The following NCEH1 variants were observed in gnomAD, a reference collection of about 807,000 sequenced individuals.
NCEH1 encodes 2-acetyl MAGE hydrolase.
Under a neutral mutation model 25.4 loss-of-function variants are expected in NCEH1, and 9 were observed. The ratio of observed to expected loss-of-function variants is 0.35; its 90% CI spans 0.21 to 0.62. NCEH1 has a LOEUF of 0.62. Ranked by LOEUF, NCEH1 falls within the 20% of genes least tolerant of loss-of-function variation. NCEH1 has a pLI of 0.72. For synonymous variants in NCEH1, 200 were observed against 199.8 expected (o/e 1.00, Z -0.01); for missense variants, 412 against 501.1 (o/e 0.82, Z 1.70).
At chr3:172,703,896 C>T (rs1451247018) in intron 1 of NCEH1, among the ~76,000 whole-genome samples, 1 of 152,198 alleles carries the variant, frequency 6.6e-6, no homozygotes, top group Non-Finnish European at 1.5e-5. Flanking sequence ...ATGCCCCTGA[C>T]ACTATTCTTA....
intron 3 of NCEH1, among the ~76,000 whole-genome samples, chr3:172,644,434 T>C (rs376553736): frequency 6.6e-6 from 1 of 152,176 alleles, no homozygotes; most frequent in Non-Finnish European, 1.5e-5. Flanking sequence ...GAGAACTGAA[T>C]GAGCCTGGGG....
At chr3:172,709,007 A>AT (rs1011843337) in intron 1 of NCEH1, among the ~76,000 whole-genome samples, 2 of 152,148 alleles carry the variant, frequency 1.3e-5, no homozygotes, top group Non-Finnish European at 2.9e-5. Flanking sequence ...GATAAGAGCC[A>AT]TTTTTCTGCA....
intron 1 of NCEH1, among the ~76,000 whole-genome samples, chr3:172,654,051 G>C (rs9822942): frequency 2.0e-5 from 3 of 151,934 alleles, no homozygotes; most frequent in Non-Finnish European, 4.4e-5. Context: ...CACCGTGCCC[G>C]GCCTGGAAAG....
At chr3:172,654,057 G>A (rs1223466322) in intron 1 of NCEH1, among the ~76,000 whole-genome samples, 1 of 152,094 alleles carries the variant, frequency 6.6e-6, no homozygotes, top group Non-Finnish European at 1.5e-5. Context: ...GCCCGGCCTG[G>A]AAAGTGTTTT....
intron 1 of NCEH1, among the ~76,000 whole-genome samples, chr3:172,696,659 G>A (rs1713395734): frequency 6.6e-6 from 1 of 152,148 alleles, no homozygotes; most frequent in Non-Finnish European, 1.5e-5. Flanking sequence ...TTGAACACAA[G>A]TCTCCTCGAT....
In NCEH1 at chr3:172,633,761, T is replaced by C. The variant is rs748791112; in HGVS notation, c.941A>G (p.Gln314Arg). ...VQTTGNARIV[Q>R]ELPQLLDARS... Reference sequence around the variant, plus strand: ...GGCATCCAGCAACTGAGGAAGCTCCTGGACAATCCTGGCATTGCCTGTGGT... The same window carrying C: ...GGCATCCAGCAACTGAGGAAGCTCCCGGACAATCCTGGCATTGCCTGTGGT... Residue 314 changes from glutamine to arginine, a missense_variant, in exon 5 of 5, where the codon CAG (glutamine) becomes CGG (arginine). By Grantham distance (43) the Gln-to-Arg change is conservative. This residue lies in a region of NCEH1 where 210 missense variants were observed against 258.2 expected (regional missense o/e 0.81). Transcript: ENST00000475381. 6.8e-6 allele frequency: 11 copies of C among 1,614,240 alleles called. No homozygotes were observed. In the East Asian group the frequency reaches 2.5e-4, roughly 36 times the overall value.
intron 3 of NCEH1, among the ~76,000 whole-genome samples, chr3:172,638,605 T>C (rs542083634): frequency 6.6e-6 from 1 of 152,206 alleles, no homozygotes; most frequent in South Asian, 2.1e-4. Flanking sequence ...TTAATTTTAA[T>C]AAAAACAAAT....
intron 1 of NCEH1, among the ~76,000 whole-genome samples, chr3:172,650,009 T>C (rs1442340633): frequency 6.6e-6 from 1 of 152,254 alleles, no homozygotes; most frequent in South Asian, 2.1e-4. Context: ...GTACATTTTA[T>C]AAGAGAGCCC....
At chr3:172,689,493 C>A (rs1712902413) in intron 1 of NCEH1, among the ~76,000 whole-genome samples, 1 of 151,328 alleles carries the variant, frequency 6.6e-6, no homozygotes, top group Admixed American at 6.6e-5. Context: ...GTGATCTACC[C>A]GACTCGGCCT....
intron 1 of NCEH1, among the ~76,000 whole-genome samples, chr3:172,652,769 C>G (rs1277409288): frequency 6.6e-6 from 1 of 152,144 alleles, no homozygotes; most frequent in East Asian, 1.9e-4. Flanking sequence ...GATCTTGGCT[C>G]ACTACAACCT....
intron 1 of NCEH1, among the ~76,000 whole-genome samples, chr3:172,658,960 G>A (rs908307084): frequency 2.7e-5 from 4 of 150,160 alleles, no homozygotes; most frequent in Non-Finnish European, 5.9e-5. Context: ...TATGTCAAGG[G>A]CAGTAGCTCA....
chr3:172,656,923 A>G (rs890313754), intron 1 of NCEH1, among the ~76,000 whole-genome samples: 18 of 152,140 alleles, frequency 1.2e-4, no homozygotes, highest in African/African-American at 4.1e-4. Flanking sequence ...ACTTGGCCTC[A>G]CTGCAGACAT....
rs754404792 is a variant in NCEH1, at chr3:172,709,935, C to CAG, written c.138+910_138+911dup. On this transcript the variant is annotated intron_variant, in intron 1 of 4. Transcript: ENST00000475381. ...AGGCTGCTCAGAAATACTGTCCAAT[C>CAG]AGAGGGCTCAGCCTTGGCTGCAGAC... Among the ~76,000 whole-genome samples, 18 of 152,252 alleles carry CAG rather than the reference C, an allele frequency of 1.2e-4. No homozygotes were observed. In the Middle Eastern group the frequency reaches 0.014, roughly 115 times the overall value.
chr3:172,694,120 C>T lies in NCEH1; in HGVS notation c.138+16727G>A, dbSNP rs116643520. Among the ~76,000 whole-genome samples, 1,472 of 152,252 alleles carry T rather than the reference C, an allele frequency of 9.7e-3. 16 individuals are homozygous for T. Among genetic ancestry groups the T allele is most frequent in the Non-Finnish European group, 0.015 (1,033 of 68,022 alleles). On this transcript the variant is annotated intron_variant, in intron 1 of 4. Coordinates refer to ENST00000475381, the MANE Select transcript of NCEH1 (RefSeq NM_020792.6). ...CATTGGCCAGGATGATCTCAAACTC[C>T]TGGGCTCAAGCAAACTTCCTGCCTC...
intron 1 of NCEH1, among the ~76,000 whole-genome samples, chr3:172,694,738 C>A (rs868317072): frequency 3.3e-5 from 5 of 152,274 alleles, no homozygotes; most frequent in South Asian, 4.1e-4. Context: ...GCTGGCAGTA[C>A]TCCGTCTGGG....
chr3:172,649,056 T>C (rs557215026), intron 1 of NCEH1, among the ~76,000 whole-genome samples: 1 of 152,242 alleles, frequency 6.6e-6, no homozygotes, highest in East Asian at 1.9e-4. Flanking sequence ...ATCAGGACTA[T>C]ATGATGTCTG....
intron 1 of NCEH1, chr3:172,680,822 T>TC (rs1333396360): frequency 6.6e-6 from 1 of 152,074 alleles, no homozygotes; most frequent in Non-Finnish European, 1.5e-5. Flanking sequence ...AGCAGAGTGG[T>TC]CAGACAGCAG....
At chr3:172,661,406 A>T (rs1195405965) in intron 1 of NCEH1, among the ~76,000 whole-genome samples, 1 of 152,150 alleles carries the variant, frequency 6.6e-6, no homozygotes, top group Non-Finnish European at 1.5e-5. Context: ...GTCAGGTAGC[A>T]TGATGCCTCC....
At chr3:172,669,435 C>G (rs1219343031) in intron 1 of NCEH1, among the ~76,000 whole-genome samples, 1 of 152,196 alleles carries the variant, frequency 6.6e-6, no homozygotes, top group African/African-American at 2.4e-5. Context: ...AATATTTCTT[C>G]TAAAACTTAT....
Sources: gnomAD v4.1 joint callset for allele counts (sites outside exome capture counted in the v4.1 genomes callset) on GRCh38, gnomAD v4.1.1 for gene constraint, gnomAD v4.1.1 regional missense constraint, MANE v1.5 for transcripts, NCBI Gene and HGNC (gene_info 2026-07-23, HGNC 2026-07-21) for gene names.